Variants in RBFOX3 observed in about 807,000 individuals in gnomAD.
RBFOX3 encodes the protein RNA binding protein fox-1 homolog 3.
Under a neutral mutation model 48.7 loss-of-function variants are expected in RBFOX3, and 17 were observed. The ratio of observed to expected loss-of-function variants is 0.35; its 90% CI spans 0.24 to 0.52. The LOEUF (loss-of-function observed/expected upper bound fraction) is 0.52. RBFOX3 is among the 20% of genes least tolerant of loss of function. RBFOX3 has a pLI of 0.94. For missense variants in RBFOX3, 382 were observed against 497.5 expected, an observed-to-expected ratio of 0.77 and a Z score of 2.21; for synonymous variants, 212 against 209.5, an observed-to-expected ratio of 1.01 and a Z score of -0.10.
At chr17:79,602,556 G>A (rs1259688079) in intron 1 of RBFOX3, among the ~76,000 whole-genome samples, 1 of 152,154 alleles carries the variant, frequency 6.6e-6, no homozygotes, top group Non-Finnish European at 1.5e-5. Context: ...CAACCCCTCG[G>A]GTCTCTAGTT....
chr17:79,550,808 G>C (rs1169436747), intron 1 of RBFOX3, among the ~76,000 whole-genome samples: 1 of 152,150 alleles, frequency 6.6e-6, no homozygotes, highest in Non-Finnish European at 1.5e-5. Context: ...CAGTGAGTGG[G>C]TTGATTTATG....
intron 4 of RBFOX3, among the ~76,000 whole-genome samples, chr17:79,124,275 G>A (rs1001866793): frequency 8.5e-5 from 13 of 152,224 alleles, no homozygotes; most frequent in African/African-American, 2.4e-4. Context: ...TTACCGGCAC[G>A]CCACTGCCCA....
At chr17:79,568,857 C>G (rs1002707118) in intron 1 of RBFOX3, among the ~76,000 whole-genome samples, 2 of 152,092 alleles carry the variant, frequency 1.3e-5, no homozygotes, top group Non-Finnish European at 2.9e-5. Context: ...GGACCTGCTC[C>G]GTGGAAAGCA....
rs2077022321 is a variant in RBFOX3, at chr17:79,471,243, G to C, written c.-175+11211C>G. Among the ~76,000 whole-genome samples the C allele has an allele frequency of 2.0e-5, 3 of 152,184 alleles. No homozygotes were observed. Among genetic ancestry groups the C allele is most frequent in the Non-Finnish European group, 4.4e-5 (3 of 68,036 alleles). Reference sequence around the variant, plus strand: ...TGGGAAGCAGCCATCGTGGCTCTCAGCTCATGGAAAGCGGGGTACGTGACC... The same window carrying C: ...TGGGAAGCAGCCATCGTGGCTCTCACCTCATGGAAAGCGGGGTACGTGACC... On this transcript the variant is annotated intron_variant, in intron 2 of 14. Coordinates refer to ENST00000693108, the MANE Select transcript of RBFOX3 (RefSeq NM_001350451.2). The surrounding 1 kb of genome is among the most constrained non-coding windows in gnomAD (Gnocchi z 4.0).
At chr17:79,556,861 G>A (rs36148981) in intron 1 of RBFOX3, among the ~76,000 whole-genome samples, 93,818 of 151,932 alleles carry the variant, frequency 0.62, 29,251 homozygotes, top group South Asian at 0.73. Flanking sequence ...CACTAGCAGG[G>A]GTTGCTGCTG....
chr17:79,606,927 A>G (rs2145474857), intron 1 of RBFOX3, among the ~76,000 whole-genome samples: 1 of 152,340 alleles, frequency 6.6e-6, no homozygotes, highest in South Asian at 2.1e-4. Flanking sequence ...ACAGGGAGAC[A>G]GGGAGATAGA....
rs1263149270 is a variant in RBFOX3 at position 79,252,556 on chromosome 17, G to A, written c.-73-16751C>T. Among the ~76,000 whole-genome samples, 3 of 152,192 alleles carry A rather than the reference G, an allele frequency of 2.0e-5. No individual in the cohort carries two copies. The highest frequency in any genetic ancestry group is 7.2e-5 in the African/African-American group (3 of 41,442). On this transcript the variant is annotated intron_variant, in intron 3 of 14. Transcript: ENST00000693108. This position sits in a 1 kb window ranked among gnomAD's most constrained non-coding sequence, Gnocchi z 4.0. ...CAGGGAGGCAGTGGACTCTCCCTCG[G>A]AAATGAGCTCTGATGGTTCCTCGAT... is the stretch of plus-strand genomic sequence containing the variant.
chr17:79,408,536 C>T (rs956807613), intron 2 of RBFOX3, among the ~76,000 whole-genome samples: 2 of 152,174 alleles, frequency 1.3e-5, no homozygotes, highest in Admixed American at 1.3e-4. Context: ...TCCGAACCTG[C>T]GGGTTCCCCA....
chr17:79,481,024 C>G lies in RBFOX3; in HGVS notation c.-175+1430G>C, dbSNP rs1367338486. On this transcript the variant is annotated intron_variant, in intron 2 of 14. Coordinates refer to ENST00000693108, the MANE Select transcript of RBFOX3 (RefSeq NM_001350451.2). This position sits in a 1 kb window ranked among gnomAD's most constrained non-coding sequence, Gnocchi z 5.4. ...GATGGATGAGCTACGGCAAGAAGAC[C>G]CCAAGGAGCCCTGGAGCAGAGAAGA... 4.6e-5 allele frequency among the ~76,000 whole-genome samples: 7 copies of G among 152,084 alleles called. No homozygotes were observed. Among genetic ancestry groups the G allele is most frequent in the Non-Finnish European group, 1.0e-4 (7 of 68,022 alleles).
chr17:79,620,140 CGCACACACATGCACGCGCGGACAT>C, the RBFOX3 span, among the ~76,000 whole-genome samples: 10 of 143,420 alleles, frequency 7.0e-5, no homozygotes, highest in Admixed American at 1.4e-4. Context: ...CATGCACACG[CGCACACACATGCACGCGCGGACAT>C]GCACACACAT....
intron 2 of RBFOX3, among the ~76,000 whole-genome samples, chr17:79,456,377 G>A (rs1555744984): frequency 6.6e-6 from 1 of 152,010 alleles, no homozygotes. Context: ...GTGTGCTGTA[G>A]GATGTTTACT....
At chr17:79,508,209 G>A (rs931932434) in intron 1 of RBFOX3, among the ~76,000 whole-genome samples, 29 of 151,822 alleles carry the variant, frequency 1.9e-4, no homozygotes, top group African/African-American at 7.0e-4. Flanking sequence ...CCACCCGGTG[G>A]GCCGCTGGGA....
chr17:79,165,137 T>G (rs1415688133), intron 4 of RBFOX3, among the ~76,000 whole-genome samples: 3 of 151,972 alleles, frequency 2.0e-5, no homozygotes, highest in Non-Finnish European at 2.9e-5. Context: ...GCGGGAGACA[T>G]GGGCTGGTGT....
intron 2 of RBFOX3, among the ~76,000 whole-genome samples, chr17:79,428,943 T>G (rs545462531): frequency 1.3e-5 from 2 of 152,290 alleles, no homozygotes; most frequent in South Asian, 4.1e-4. Context: ...GTTCCCGGAG[T>G]GGCTGACTCC....
upstream of RBFOX3, among the ~76,000 whole-genome samples, chr17:79,611,227 G>A (rs1198089962): frequency 9.2e-6 from 1 of 109,206 alleles, no homozygotes; most frequent in African/African-American, 4.7e-5. Flanking sequence ...CCTCTGGCTC[G>A]TTCGGCTGGA....
chr17:79,546,188 T>C (rs11869391), intron 1 of RBFOX3, among the ~76,000 whole-genome samples: 11,701 of 152,224 alleles, frequency 0.077, 530 homozygotes, highest in African/African-American at 0.13. Flanking sequence ...CCACCACTGA[T>C]GAACGACAAC....
chr17:79,646,758 A>G, the RBFOX3 span, among the ~76,000 whole-genome samples: 14 of 152,156 alleles, frequency 9.2e-5, no homozygotes, highest in Admixed American at 3.3e-4. Flanking sequence ...CAACCCCAAT[A>G]TCTCTCCTGT....
intron 3 of RBFOX3, among the ~76,000 whole-genome samples, chr17:79,304,894 C>T (rs1057299440): frequency 3.3e-5 from 5 of 152,180 alleles, no homozygotes; most frequent in Non-Finnish European, 5.9e-5. Context: ...CTTGCTTACA[C>T]CTGCTCGTGT....
At chr17:79,312,230 G>C (rs2076949793) in intron 2 of RBFOX3, among the ~76,000 whole-genome samples, 1 of 151,678 alleles carries the variant, frequency 6.6e-6, no homozygotes, top group Non-Finnish European at 1.5e-5. Flanking sequence ...ACAAAGAAGA[G>C]GGCTGGGAAG....
Sources: gnomAD v4.1 joint callset for allele counts (sites outside exome capture counted in the v4.1 genomes callset) on GRCh38, gnomAD v4.1.1 for gene constraint, Gnocchi (gnomAD v3.1) non-coding constraint, MANE v1.5 for transcripts, NCBI Gene and HGNC (gene_info 2026-07-23, HGNC 2026-07-21) for gene names.